The following UBR4 variants were observed in gnomAD, a reference collection of about 807,000 sequenced individuals.
The protein encoded by UBR4 is ubiquitin protein ligase E3 component n-recognin 4.
In UBR4, 124 loss-of-function variants were observed where a neutral mutation model predicts 575.6. The ratio of observed to expected loss-of-function variants is 0.22; its 90% CI spans 0.19 to 0.25. UBR4 has a LOEUF of 0.25. UBR4 is among the 10% of genes least tolerant of loss of function. The probability of loss-of-function intolerance (pLI) is 1.00; values close to 1 mark genes in which losing one functional copy is unlikely to be tolerated. For missense variants in UBR4, 4,818 were observed against 6,478.8 expected, an observed-to-expected ratio of 0.74 and a Z score of 8.80; for synonymous variants, 2,455 against 2,473.7, an observed-to-expected ratio of 0.99 and a Z score of 0.22.
intron 103 of UBR4, chr1:19,080,801 A>G (rs780713348): frequency 2.0e-5 from 3 of 153,108 alleles, no homozygotes; most frequent in Non-Finnish European, 2.9e-5. Context: ...ATCACAGCCC[A>G]AGGTCATAAA....
At chr1:19,138,830 T>C (rs2083487960) in intron 59 of UBR4, among the ~76,000 whole-genome samples, 1 of 152,176 alleles carries the variant, frequency 6.6e-6, no homozygotes, top group Admixed American at 6.5e-5. Context: ...ATTGCTTTTT[T>C]TCCACTAACA....
chr1:19,081,144 G>C, intron 103 of UBR4: 1 of 529,320 alleles, frequency 1.9e-6, no homozygotes, highest in South Asian at 2.9e-5. Flanking sequence ...TTCTAGTAGC[G>C]GAACAGAAAA....
At chr1:19,141,266 C>T (rs2083900111) in intron 57 of UBR4, 81 bp downstream of exon 57, 1 of 1,593,502 alleles carries the variant, frequency 6.3e-7, no homozygotes, top group Non-Finnish European at 8.6e-7. Context: ...CAAACTAAGT[C>T]AGCTGGATAT....
chr1:19,077,817 C>G (rs2076100130), intron 104 of UBR4, 159 bp downstream of exon 104: 1 of 1,542,372 alleles, frequency 6.5e-7, no homozygotes, highest in Non-Finnish European at 8.8e-7. Context: ...CTGCCAGTGT[C>G]AATCCCTCCC....
Position 19,093,255 on chromosome 1 carries a change from A to G in UBR4, c.14111+58T>C, listed in dbSNP as rs994906632. On this transcript the variant is annotated intron_variant, in intron 96 of 105. Coordinates refer to ENST00000375254, the MANE Select transcript of UBR4 (RefSeq NM_020765.3). This position sits in a 1 kb window ranked among gnomAD's most constrained non-coding sequence, Gnocchi z 4.8. ...CTTTATGCCAAGATGCTGATGGAGA[A>G]GGAAAAGGAAAGGGCAAAGCGAAGG... is the stretch of plus-strand genomic sequence containing the variant. 1.3e-6 allele frequency: 2 copies of G among 1,575,654 alleles called. No homozygotes were observed. The highest frequency in any genetic ancestry group is 2.3e-5 in the South Asian group (2 of 85,650).
chr1:19,106,722 T>C lies in UBR4; in HGVS notation c.12240A>G (p.Ile4080Met), dbSNP rs2079242078. The change falls in exon 83 of 106, where the codon ATA becomes ATG. Residue 4080 changes from isoleucine (I) to methionine (M), a missense_variant. Ile to Met is a conservative substitution (Grantham distance 10). Transcript: ENST00000375254. ...AWKKCLPIRGIDGNGKAPSKS... is the reference protein window; with the variant it reads ...AWKKCLPIRGMDGNGKAPSKS... ...TGCTGGGGGCTTTCCCATTGCCATC[T>C]ATCCCTGCAAGGCCAAGGGTTGCAG... 1 of 1,599,058 alleles carries C rather than the reference T, an allele frequency of 6.3e-7. No homozygotes were observed. The highest frequency in any genetic ancestry group is 8.5e-7 in the Non-Finnish European group (1 of 1,171,586).
chr1:19,120,688 G>A (rs189634228), intron 68 of UBR4, among the ~76,000 whole-genome samples: 2 of 152,294 alleles, frequency 1.3e-5, no homozygotes, highest in East Asian at 3.9e-4. Context: ...TTCCTTTCAA[G>A]GGCTTGCAAT....
In UBR4 at chr1:19,096,501, C is replaced by A. The variant is rs1234780777; in HGVS notation, c.13518+22G>T. The stretch of plus-strand genomic sequence containing the variant: ...CCCAGTGCAGAAAGGCTGGCCCCCA[C>A]AACTTGCTGCCCCCAACTCACTGTT... On this transcript the variant is annotated intron_variant, in intron 92 of 105. Coordinates refer to ENST00000375254, the MANE Select transcript of UBR4 (RefSeq NM_020765.3). 21 of 1,607,986 alleles carry A rather than the reference C, an allele frequency of 1.3e-5. No individual in the cohort carries two copies. In the East Asian group the frequency reaches 4.3e-4, roughly 33 times the overall value.
chr1:19,174,886 C>A (rs932477305), intron 21 of UBR4, 68 bp downstream of exon 21: 72 of 1,438,402 alleles, frequency 5.0e-5, no homozygotes, highest in Non-Finnish European at 1.1e-5. Flanking sequence ...CCCTTTCCCC[C>A]CAGTAGGCTG....
chr1:19,164,172 T>C, intron 33 of UBR4, 81 bp downstream of exon 33: 1 of 1,474,934 alleles, frequency 6.8e-7, no homozygotes, highest in Non-Finnish European at 9.1e-7. Flanking sequence ...ATTTCTTCTG[T>C]ACTCACTTTG....
rs2080673614 is a variant in UBR4 at position 19,117,468 on chromosome 1, T to C, written c.10630-54A>G. The stretch of plus-strand genomic sequence containing the variant: ...ATTAGTTCAAGACTCGTACTGCCTT[T>C]TTAAAAATTCATCAGTGTAACCCAC... On this transcript the variant is annotated intron_variant, in intron 72 of 105. Transcript: ENST00000375254. This position sits in a 1 kb window ranked among gnomAD's most constrained non-coding sequence, Gnocchi z 4.0. The C allele has an allele frequency of 2.5e-6, 4 of 1,579,780 alleles. No individual in the cohort carries two copies.
At chr1:19,075,076 G>A (rs1429397408) in intron 105 of UBR4, 180 bp from the exon 106 acceptor site, 11 of 649,382 alleles carry the variant, frequency 1.7e-5, no homozygotes. Flanking sequence ...TGTTCCGCAG[G>A]AGGAGTCCTG....
At chr1:19,078,338 G>T in intron 103 of UBR4, 1 of 361,462 alleles carries the variant, frequency 2.8e-6, no homozygotes, top group East Asian at 5.6e-5. Flanking sequence ...GGAACCGGGG[G>T]AGACATCGCC....
In UBR4 at chr1:19,100,571, C is replaced by T; in HGVS notation, c.13026G>A (p.Glu4342=). The change falls in exon 89 of 106, where the codon GAG becomes GAA. Residue 4342 remains glutamate, a splice_region_variant and synonymous_variant. Transcript: ENST00000375254. This position sits in a 1 kb window ranked among gnomAD's most constrained non-coding sequence, Gnocchi z 4.2. Reference sequence around the variant, plus strand: ...CAAAGAACTCAGTGACTTCATTCTCCTCCTGGAGGACAGACAGAAGGGTGC... The same window carrying T: ...CAAAGAACTCAGTGACTTCATTCTCTTCCTGGAGGACAGACAGAAGGGTGC... ...FERLCSIIYP[E]ENEVTEFFVT... 1.2e-6 allele frequency: 2 copies of T among 1,613,956 alleles called. No individual in the cohort carries two copies. The highest frequency in any genetic ancestry group is 8.5e-7 in the Non-Finnish European group (1 of 1,179,978).
chr1:19,137,510 T>C (rs923693474), intron 60 of UBR4, among the ~76,000 whole-genome samples: 1 of 152,204 alleles, frequency 6.6e-6, no homozygotes, highest in Non-Finnish European at 1.5e-5. Flanking sequence ...CCACTTTCAA[T>C]TTCAAAATGC....
At chr1:19,156,966 C>T (rs2086538608) in intron 40 of UBR4, 41 bp from the exon 41 acceptor site, 22 of 1,587,780 alleles carry the variant, frequency 1.4e-5, no homozygotes, top group Non-Finnish European at 1.9e-5. Context: ...ACTCCTGGTC[C>T]TCTCAGAGAA....
chr1:19,115,716 GTCC>G, intron 73 of UBR4, 79 bp from the exon 74 acceptor site: 1 of 1,549,538 alleles, frequency 6.5e-7, no homozygotes, highest in South Asian at 1.2e-5. Context: ...GAGGAAGACT[GTCC>G]CATGTATTTT....
Position 19,139,062 on chromosome 1 carries a change from AC to A in UBR4, c.8731+20del. On this transcript the variant is annotated intron_variant, in intron 59 of 105. Coordinates refer to ENST00000375254, the MANE Select transcript of UBR4 (RefSeq NM_020765.3). This position sits in a 1 kb window ranked among gnomAD's most constrained non-coding sequence, Gnocchi z 4.2. ...CCCACCCTCTGCCCAAGGAGACAGG[AC>A]CCCCGCCATGGCACATTACCACTGT... 2 of 1,593,778 alleles carry A rather than the reference AC, an allele frequency of 1.3e-6. No homozygotes were observed. Among genetic ancestry groups the A allele is most frequent in the Non-Finnish European group, 1.7e-6 (2 of 1,167,780 alleles).
intron 26 of UBR4, 63 bp from the exon 27 acceptor site, chr1:19,169,595 A>G (rs2089172957): frequency 7.0e-7 from 1 of 1,430,564 alleles, no homozygotes; most frequent in South Asian, 1.3e-5. Context: ...AGAGCATTTT[A>G]AAAGCCAAGC....
Sources: allele counts gnomAD v4.1 joint callset (sites outside exome capture counted in the v4.1 genomes callset), GRCh38; gene constraint gnomAD v4.1.1; non-coding constraint Gnocchi (gnomAD v3.1); transcripts MANE v1.5; gene names NCBI Gene and HGNC (gene_info 2026-07-23, HGNC 2026-07-21).